FNBP1L: variants seen among roughly 807,000 people sequenced by gnomAD.
FNBP1L encodes formin binding protein 1 like.
A neutral mutation model predicts 91.2 loss-of-function variants in FNBP1L; 36 were observed. The observed-to-expected ratio is 0.39, with a 90% CI of 0.30 to 0.52. The LOEUF is 0.52. Ranked by LOEUF, FNBP1L falls within the 20% of genes least tolerant of loss-of-function variation. The probability of loss-of-function intolerance (pLI) is 0.66; values close to 1 mark genes in which losing one functional copy is unlikely to be tolerated. For synonymous variants in FNBP1L, 242 were observed against 237.0 expected (o/e 1.02, Z -0.19); for missense variants, 571 against 732.1 (o/e 0.78, Z 2.54).
At chr1:93,485,514 A>T (rs1278614982) in intron 1 of FNBP1L, among the ~76,000 whole-genome samples, 1 of 152,226 alleles carries the variant, frequency 6.6e-6, no homozygotes, top group Non-Finnish European at 1.5e-5. Flanking sequence ...TCATTACTGT[A>T]TATAACATTC....
chr1:93,471,327 G>A (rs1334524793), intron 1 of FNBP1L, among the ~76,000 whole-genome samples: 4 of 152,116 alleles, frequency 2.6e-5, no homozygotes, highest in Non-Finnish European at 5.9e-5. Flanking sequence ...TCTGTGGAAC[G>A]TTAGTTTATG....
At chr1:93,549,507 CTTAT>C (rs1672339653) in intron 15 of FNBP1L, 81 bp downstream of exon 15, 4 of 1,092,174 alleles carry the variant, frequency 3.7e-6, no homozygotes, top group East Asian at 2.7e-5. Flanking sequence ...CTGTAGTATC[CTTAT>C]TTAAGTAATA....
intron 12 of FNBP1L, among the ~76,000 whole-genome samples, chr1:93,545,910 A>G (rs2101773085): frequency 6.6e-6 from 1 of 152,140 alleles, no homozygotes; most frequent in East Asian, 1.9e-4. Flanking sequence ...AAAAAAGTTT[A>G]GGGCAAAGAT....
chr1:93,455,192 T>C (rs1376920667), intron 1 of FNBP1L, among the ~76,000 whole-genome samples: 1 of 152,202 alleles, frequency 6.6e-6, no homozygotes, highest in African/African-American at 2.4e-5. Context: ...CCTCCCAGAG[T>C]GCTGGGATTA....
rs147098287 is a variant in FNBP1L, at chr1:93,455,396, T to G, written c.24+7091T>G. On this transcript the variant is annotated intron_variant, in intron 1 of 16. Coordinates refer to ENST00000271234, the MANE Select transcript of FNBP1L (RefSeq NM_001164473.3). ...TAGAGACAAGGTCTCGCTGTATTGC[T>G]CAGTCTGGTCGTGAACTCCTGGCCT... is the stretch of plus-strand genomic sequence containing the variant. Among the ~76,000 whole-genome samples, 909 of 152,330 alleles carry G rather than the reference T, an allele frequency of 6.0e-3. 1 individual carries two copies. Among genetic ancestry groups the G allele is most frequent in the Non-Finnish European group, 0.01 (696 of 68,024 alleles).
intron 1 of FNBP1L, among the ~76,000 whole-genome samples, chr1:93,453,429 T>G (rs1668560668): frequency 6.6e-6 from 1 of 152,126 alleles, no homozygotes; most frequent in Admixed American, 6.6e-5. Flanking sequence ...ATATTTGCTC[T>G]CTCTCCTTCC....
intron 7 of FNBP1L, 76 bp from the exon 8 acceptor site, chr1:93,532,843 TGGG>T (rs1671727818): frequency 9.6e-7 from 1 of 1,043,378 alleles, no homozygotes; most frequent in Admixed American, 2.8e-5. Context: ...TAATTTTTGA[TGGG>T]GGATCACTAA....
At chr1:93,460,576 G>A (rs1305176763) in intron 1 of FNBP1L, among the ~76,000 whole-genome samples, 1 of 152,198 alleles carries the variant, frequency 6.6e-6, no homozygotes, top group African/African-American at 2.4e-5. Flanking sequence ...CATGTTTTCA[G>A]GATCTCCTGT....
At chr1:93,538,902 A>G (rs1487710338) in intron 10 of FNBP1L, among the ~76,000 whole-genome samples, 1 of 152,030 alleles carries the variant, frequency 6.6e-6, no homozygotes, top group Non-Finnish European at 1.5e-5. Flanking sequence ...TACAGATCCC[A>G]GTATAAATTA....
intron 1 of FNBP1L, chr1:93,488,350 A>G (rs907436978): frequency 1.3e-4 from 20 of 152,226 alleles, no homozygotes; most frequent in African/African-American, 4.1e-4. Context: ...AGCACCCAGT[A>G]TACCCAAGCA....
intron 1 of FNBP1L, among the ~76,000 whole-genome samples, chr1:93,484,185 C>T (rs1669818219): frequency 6.6e-6 from 1 of 152,206 alleles, no homozygotes; most frequent in African/African-American, 2.4e-5. Flanking sequence ...CCTTGGCCTC[C>T]CAAAGTGCTG....
intron 1 of FNBP1L, among the ~76,000 whole-genome samples, chr1:93,453,593 A>G (rs994567020): frequency 2.0e-5 from 3 of 152,222 alleles, no homozygotes; most frequent in African/African-American, 4.8e-5. Flanking sequence ...GTGTATATCA[A>G]CAAGTGCTGT....
chr1:93,487,367 A>C (rs547085706), intron 1 of FNBP1L, among the ~76,000 whole-genome samples: 8 of 152,332 alleles, frequency 5.3e-5, no homozygotes, highest in African/African-American at 1.9e-4. Context: ...AGTGTAAGTC[A>C]AAGTGTTCAA....
At chr1:93,536,594 A>G in intron 10 of FNBP1L, 104 bp downstream of exon 10, 1 of 1,070,410 alleles carries the variant, frequency 9.3e-7, no homozygotes, top group Non-Finnish European at 1.2e-6. Context: ...ATAAATACAC[A>G]GTTTAAAAAC....
chr1:93,491,252 A>G (rs534824795), intron 1 of FNBP1L, among the ~76,000 whole-genome samples: 1 of 152,270 alleles, frequency 6.6e-6, no homozygotes, highest in Non-Finnish European at 1.5e-5. Context: ...GCTGATTCTT[A>G]TATTTTAATT....
intron 15 of FNBP1L, 38 bp from the exon 16 acceptor site, chr1:93,550,909 A>T: frequency 6.7e-7 from 1 of 1,481,554 alleles, no homozygotes; most frequent in Middle Eastern, 1.8e-4. Flanking sequence ...AAAAATTATC[A>T]CAATGCTTAA....
chr1:93,543,975 T>TCCGTATCA, intron 11 of FNBP1L, 132 bp from the exon 12 acceptor site: 4 of 507,354 alleles, frequency 7.9e-6, no homozygotes, highest in Non-Finnish European at 1.0e-5. Flanking sequence ...TTCTTTTTTT[T>TCCGTATCA]TTAAGGGGTT....
intron 4 of FNBP1L, 46 bp downstream of exon 4, chr1:93,523,537 TCA>T (rs1671400961): frequency 6.6e-7 from 1 of 1,515,168 alleles, no homozygotes; most frequent in Non-Finnish European, 8.9e-7. Flanking sequence ...TATGAAATAG[TCA>T]CACAGAAACA....
chr1:93,494,302 T>C (rs560156820), intron 1 of FNBP1L, among the ~76,000 whole-genome samples: 3 of 152,202 alleles, frequency 2.0e-5, no homozygotes, highest in South Asian at 2.1e-4. Flanking sequence ...TGCATGATCT[T>C]CTGTTCCTGT....
Sources: gnomAD v4.1 joint callset for allele counts (sites outside exome capture counted in the v4.1 genomes callset) on GRCh38, gnomAD v4.1.1 for gene constraint, MANE v1.5 for transcripts, NCBI Gene and HGNC (gene_info 2026-07-23, HGNC 2026-07-21) for gene names.